CCDC175: variants seen among roughly 807,000 people sequenced by gnomAD.
The protein encoded by CCDC175 is coiled-coil domain containing 175.
CCDC175 carries 100 observed loss-of-function variants against 114.6 expected under a neutral mutation model. The observed-to-expected ratio is 0.87, with a 90% CI of 0.74 to 1.03. The LOEUF is 1.03. Ranked by LOEUF, CCDC175 falls within the 50% of genes least tolerant of loss-of-function variation. The pLI is 0.00. For synonymous variants in CCDC175, 306 were observed against 308.7 expected (o/e 0.99, Z 0.09); for missense variants, 880 against 917.8 (o/e 0.96, Z 0.53).
chr14:59,508,492 G>A (rs975892101), intron 19 of CCDC175, among the ~76,000 whole-genome samples: 6 of 146,140 alleles, frequency 4.1e-5, no homozygotes, highest in African/African-American at 1.3e-4. Flanking sequence ...GGAGACTGAG[G>A]TGAGAGGATT....
At chr14:59,555,978 A>G (rs1895873540) in intron 7 of CCDC175, among the ~76,000 whole-genome samples, 1 of 152,236 alleles carries the variant, frequency 6.6e-6, no homozygotes. Context: ...ACACAAACAA[A>G]TGGAAGAACA....
intron 13 of CCDC175, among the ~76,000 whole-genome samples, chr14:59,533,767 T>A (rs930632351): frequency 6.6e-6 from 1 of 151,992 alleles, no homozygotes; most frequent in Non-Finnish European, 1.5e-5. Context: ...GGCGGGCAGA[T>A]CACAAGGTCA....
Position 59,576,784 on chromosome 14 carries a change from T to A in CCDC175, c.-9A>T, listed in dbSNP as rs758967256. The stretch of plus-strand genomic sequence containing the variant: ...CAGGGGCTCAGGGCCATTTTGCCGC[T>A]CTACTTGAGCGCCTCCTAAGCCAGA... On this transcript the variant is annotated 5_prime_UTR_variant, in exon 1 of 20. Transcript: ENST00000537690. The A allele has an allele frequency of 4.9e-6, 7 of 1,431,422 alleles. No individual in the cohort carries two copies. In the African/African-American group the frequency reaches 9.0e-5, roughly 18 times the overall value. 88.7% of individuals were successfully genotyped at this position (1,431,422 alleles called of 1,614,324 possible).
intron 7 of CCDC175, among the ~76,000 whole-genome samples, chr14:59,553,883 G>C (rs1895694639): frequency 6.6e-6 from 1 of 152,146 alleles, no homozygotes; most frequent in African/African-American, 2.4e-5. Context: ...ATTACATAAT[G>C]GTAAAGGGAT....
chr14:59,543,216 G>C (rs1409792814), intron 10 of CCDC175, 128 bp downstream of exon 10: 2 of 452,964 alleles, frequency 4.4e-6, no homozygotes, highest in Non-Finnish European at 7.7e-6. Context: ...CTGTGAAACA[G>C]AGAGAGCTAG....
intron 16 of CCDC175, among the ~76,000 whole-genome samples, chr14:59,524,911 A>T (rs1893657980): frequency 6.6e-6 from 1 of 152,228 alleles, no homozygotes; most frequent in African/African-American, 2.4e-5. Flanking sequence ...ACTCAACAAT[A>T]AGGCTGAACC....
In CCDC175 at chr14:59,512,749, A is replaced by T. The variant is rs116890506; in HGVS notation, c.2099-946T>A. On this transcript the variant is annotated intron_variant, in intron 17 of 19. Coordinates refer to ENST00000537690, the MANE Select transcript of CCDC175 (RefSeq NM_001164399.2). ...AAAATATAATTTCATTAAAAAGTCT[A>T]TTCTTCCAACATTGACTTATAGATT... Among the ~76,000 whole-genome samples, 71 of 152,016 alleles carry T rather than the reference A, an allele frequency of 4.7e-4. No individual in the cohort carries two copies. In the East Asian group the frequency reaches 8.7e-3, roughly 19 times the overall value.
chr14:59,567,070 A>C (rs1006282087), intron 4 of CCDC175, among the ~76,000 whole-genome samples: 1 of 152,198 alleles, frequency 6.6e-6, no homozygotes, highest in African/African-American at 2.4e-5. Flanking sequence ...ATTCTGATGC[A>C]AGCTCAAGTT....
At chr14:59,505,738 C>A (rs184415446) in intron 19 of CCDC175, among the ~76,000 whole-genome samples, 2 of 152,014 alleles carry the variant, frequency 1.3e-5, no homozygotes, top group Non-Finnish European at 2.9e-5. Context: ...AAAAATCAAC[C>A]CTTGTCTTTG....
intron 3 of CCDC175, among the ~76,000 whole-genome samples, chr14:59,571,468 C>T (rs1193272535): frequency 1.3e-5 from 2 of 152,156 alleles, no homozygotes; most frequent in African/African-American, 4.8e-5. Flanking sequence ...GTAGACATTT[C>T]TCCAAAGAAG....
intron 8 of CCDC175, among the ~76,000 whole-genome samples, chr14:59,550,570 A>G (rs1288918696): frequency 6.6e-6 from 1 of 152,152 alleles, no homozygotes; most frequent in East Asian, 1.9e-4. Context: ...TGTATACATA[A>G]AGGGGAGTTT....
At chr14:59,545,425 T>C in intron 8 of CCDC175, 126 bp from the exon 9 acceptor site, 3 of 695,846 alleles carry the variant, frequency 4.3e-6, no homozygotes, top group Non-Finnish European at 6.9e-6. Context: ...ATGCCATAAA[T>C]GCCGAGTGAT....
chr14:59,535,123 G>C (rs1741211408), intron 13 of CCDC175, among the ~76,000 whole-genome samples: 1 of 152,204 alleles, frequency 6.6e-6, no homozygotes, highest in African/African-American at 2.4e-5. Flanking sequence ...CAATGTGCCT[G>C]AGGTTATTGG....
intron 13 of CCDC175, 52 bp downstream of exon 13, chr14:59,537,971 T>TC (rs1894509119): frequency 7.1e-6 from 9 of 1,274,578 alleles, no homozygotes; most frequent in South Asian, 2.8e-5. Flanking sequence ...TTATTCCCCC[T>TC]CCCCCTCATG....
At chr14:59,529,602 C>T (rs1013364154) in intron 14 of CCDC175, among the ~76,000 whole-genome samples, 10 of 152,054 alleles carry the variant, frequency 6.6e-5, no homozygotes, top group Admixed American at 1.3e-4. Flanking sequence ...CTCTTTCTGC[C>T]TCTATCCAAT....
intron 11 of CCDC175, 22 bp downstream of exon 11, chr14:59,540,653 T>TTTTTC (rs1894724897): frequency 7.0e-7 from 1 of 1,428,788 alleles, no homozygotes; most frequent in Non-Finnish European, 9.2e-7. Flanking sequence ...ATAAACTTTT[T>TTTTTC]TTTTTTTTTT....
chr14:59,538,622 A>G (rs1894556936), intron 12 of CCDC175, 83 bp downstream of exon 12: 4 of 1,143,388 alleles, frequency 3.5e-6, no homozygotes, highest in Non-Finnish European at 4.7e-6. Flanking sequence ...CTTTTTAATA[A>G]GATAGGATTT....
At chr14:59,528,909 C>T (rs1398448442) in intron 14 of CCDC175, among the ~76,000 whole-genome samples, 2 of 152,046 alleles carry the variant, frequency 1.3e-5, no homozygotes, top group East Asian at 1.9e-4. Context: ...TTCAAAAATG[C>T]AATATATTTA....
chr14:59,551,437 C>A lies in CCDC175; in HGVS notation c.954-1G>T. On this transcript the variant is annotated splice_acceptor_variant, in intron 7 of 19. Transcript: ENST00000537690. LOFTEE classifies it high-confidence loss of function. ...TTCTTTGTTATCTGTGAAAAAACAC[C>A]TATGAACAAAGGAAGCCAAACAGAT... 2 of 1,404,220 alleles carry A rather than the reference C, an allele frequency of 1.4e-6. No homozygotes were observed. Among genetic ancestry groups the A allele is most frequent in the Non-Finnish European group, 1.9e-6 (2 of 1,057,662 alleles). 87.0% of individuals were successfully genotyped at this position (1,404,220 alleles called of 1,614,324 possible).
Sources: allele counts gnomAD v4.1 joint callset (sites outside exome capture counted in the v4.1 genomes callset), GRCh38; gene constraint gnomAD v4.1.1; transcripts MANE v1.5; gene names NCBI Gene and HGNC (gene_info 2026-07-23, HGNC 2026-07-21).